The following RALYL variants were observed in gnomAD, a reference collection of about 807,000 sequenced individuals.
The protein encoded by RALYL is RNA-binding Raly-like protein.
RALYL carries 29 observed loss-of-function variants against 35.1 expected under a neutral mutation model. That is an observed-to-expected ratio of 0.83 (90% CI 0.61 to 1.13). The LOEUF is 1.13. RALYL is among the 50% of genes most tolerant of loss of function. The pLI, the probability that RALYL is intolerant of heterozygous loss-of-function variation, is 0.00. For synonymous variants in RALYL, 120 were observed against 127.6 expected, an observed-to-expected ratio of 0.94 and a Z score of 0.40; for missense variants, 359 against 360.4, an observed-to-expected ratio of 1.00 and a Z score of 0.03.
At chr8:84,564,264 C>T (rs1014391374) in intron 2 of RALYL, among the ~76,000 whole-genome samples, 7 of 151,572 alleles carry the variant, frequency 4.6e-5, no homozygotes, top group Non-Finnish European at 8.9e-5. Flanking sequence ...TCTTAGAAAG[C>T]AAAAAGTTAT....
At chr8:84,759,772 T>C (rs904920962) in intron 2 of RALYL, among the ~76,000 whole-genome samples, 1 of 152,228 alleles carries the variant, frequency 6.6e-6, no homozygotes, top group Non-Finnish European at 1.5e-5. Flanking sequence ...ATTGATTATT[T>C]CATCTTCTCT....
chr8:84,668,241 G>A (rs976910545), intron 2 of RALYL, among the ~76,000 whole-genome samples: 7 of 152,104 alleles, frequency 4.6e-5, no homozygotes, highest in African/African-American at 1.4e-4. Context: ...CTTATTTCAC[G>A]TTGTCCTTCA....
intron 6 of RALYL, among the ~76,000 whole-genome samples, chr8:84,864,017 GA>G (rs1159710844): frequency 6.6e-6 from 1 of 152,020 alleles, no homozygotes; most frequent in Admixed American, 6.6e-5. Flanking sequence ...TCTTACATTG[GA>G]AAAAATAAAC....
At chr8:84,556,218 A>G (rs891897720) in intron 2 of RALYL, among the ~76,000 whole-genome samples, 2 of 152,250 alleles carry the variant, frequency 1.3e-5, no homozygotes, top group Admixed American at 6.5e-5. Flanking sequence ...AAAGAGTGAT[A>G]TGATGTGTGG....
At chr8:84,559,979 T>G (rs1421373021) in intron 2 of RALYL, among the ~76,000 whole-genome samples, 1 of 151,804 alleles carries the variant, frequency 6.6e-6, no homozygotes. Flanking sequence ...TTAGGTTTTT[T>G]TTTTTTTTTA....
At chr8:84,250,679 A>T (rs1382058865) in intron 1 of RALYL, among the ~76,000 whole-genome samples, 2 of 152,220 alleles carry the variant, frequency 1.3e-5, no homozygotes, top group African/African-American at 4.8e-5. Context: ...TTGCTTCAAA[A>T]AATTATATGC....
At chr8:84,506,045 G>A (rs1168981710) in intron 1 of RALYL, among the ~76,000 whole-genome samples, 2 of 151,964 alleles carry the variant, frequency 1.3e-5, no homozygotes, top group South Asian at 2.1e-4. Flanking sequence ...ACCTAACACC[G>A]ATTAAATTGA....
chr8:84,715,367 A>G (rs548919554), intron 2 of RALYL, among the ~76,000 whole-genome samples: 4 of 151,974 alleles, frequency 2.6e-5, no homozygotes, highest in Non-Finnish European at 4.4e-5. Flanking sequence ...TTATGATTTT[A>G]TTTCTAATCT....
In RALYL at chr8:84,426,475, G is replaced by GT. The variant is rs1554662561; in HGVS notation, c.-23-102824_-23-102823insT. 1.1e-3 allele frequency among the ~76,000 whole-genome samples: 76 copies of GT among 70,704 alleles called. 1 individual carries two copies. The South Asian group carries it at 0.028, about 26-fold the overall frequency. 46.4% of individuals were successfully genotyped at this position (70,704 alleles called of 152,430 possible). ...GTGTGTGTGTGTGTGTGTGTGTGTG[G>GT]GTTTAGATTTCACATATAAGTGAGA... On this transcript the variant is annotated intron_variant, in intron 1 of 8. Transcript: ENST00000521268.
chr8:84,841,524 C>T (rs1271111102), intron 4 of RALYL, among the ~76,000 whole-genome samples: 2 of 152,168 alleles, frequency 1.3e-5, no homozygotes, highest in African/African-American at 4.8e-5. Context: ...TAATGGGAGA[C>T]TTTAACACAC....
At chr8:84,220,392 GTA>G (rs1821909808) in intron 1 of RALYL, among the ~76,000 whole-genome samples, 1 of 151,898 alleles carries the variant, frequency 6.6e-6, no homozygotes, top group African/African-American at 2.4e-5. Context: ...GTGAAATATG[GTA>G]TATTTTTGTC....
chr8:84,899,235 C>T (rs536122541), intron 8 of RALYL, among the ~76,000 whole-genome samples: 5 of 152,250 alleles, frequency 3.3e-5, no homozygotes, highest in Middle Eastern at 3.4e-3. Flanking sequence ...AAGGACACAT[C>T]CATTTGGATT....
chr8:84,468,283 C>G (rs938420616), intron 1 of RALYL, among the ~76,000 whole-genome samples: 4 of 151,970 alleles, frequency 2.6e-5, no homozygotes, highest in Non-Finnish European at 5.9e-5. Flanking sequence ...GGCTGGTACC[C>G]GTTGTTCCTT....
At position 84,371,323 on chromosome 8, in the gene RALYL, A is replaced by G. The variant is rs1855633595; in HGVS notation, c.-23-157976A>G. Reference sequence around the variant, plus strand: ...AGGAAGATTTTAAAAGATTTTTAGTATAACGTATTTCGTGATGCACGGTGA... The same window carrying G: ...AGGAAGATTTTAAAAGATTTTTAGTGTAACGTATTTCGTGATGCACGGTGA... On this transcript the variant is annotated intron_variant, in intron 1 of 8. Transcript: ENST00000521268. Among the ~76,000 whole-genome samples the G allele has an allele frequency of 3.3e-5, 5 of 152,154 alleles. No individual in the cohort carries two copies. The South Asian group carries it at 6.2e-4, about 19-fold the overall frequency.
intron 8 of RALYL, among the ~76,000 whole-genome samples, chr8:84,899,078 C>T (rs1348925908): frequency 6.6e-6 from 1 of 152,060 alleles, no homozygotes; most frequent in African/African-American, 2.4e-5. Context: ...TTTGACACAC[C>T]GTGTCATGAC....
chr8:84,672,119 C>T (rs1833383269), intron 2 of RALYL, among the ~76,000 whole-genome samples: 1 of 152,092 alleles, frequency 6.6e-6, no homozygotes, highest in South Asian at 2.1e-4. Flanking sequence ...CACCAAATAC[C>T]CTAAATCATC....
rs909642294 is a variant in RALYL at position 84,739,083 on chromosome 8, C to A, written c.257-35496C>A. ...GGAAATTCAAAATTAATTAATGTGTCCATGATTAAGATATAATTTTAACTC... is the reference window on the plus strand; with the variant it reads ...GGAAATTCAAAATTAATTAATGTGTACATGATTAAGATATAATTTTAACTC... On this transcript the variant is annotated intron_variant, in intron 2 of 8. Coordinates refer to ENST00000521268, the MANE Select transcript of RALYL (RefSeq NM_173848.7). Among the ~76,000 whole-genome samples the A allele has an allele frequency of 2.6e-4, 39 of 151,812 alleles. 2 individuals are homozygous for A. The highest frequency in any genetic ancestry group is 8.8e-5 in the Non-Finnish European group (6 of 67,886).
At chr8:84,574,983 A>G (rs1334520344) in intron 2 of RALYL, among the ~76,000 whole-genome samples, 3 of 152,166 alleles carry the variant, frequency 2.0e-5, no homozygotes, top group African/African-American at 7.2e-5. Context: ...GTTTTCACTC[A>G]GTGTCAGAAT....
chr8:84,688,587 A>C (rs1292174212), intron 2 of RALYL, among the ~76,000 whole-genome samples: 2 of 152,142 alleles, frequency 1.3e-5, no homozygotes, highest in African/African-American at 2.4e-5. Context: ...AAATTGATTA[A>C]AGATTTAAAC....
Sources: allele counts gnomAD v4.1 joint callset (sites outside exome capture counted in the v4.1 genomes callset), GRCh38; gene constraint gnomAD v4.1.1; transcripts MANE v1.5; gene names NCBI Gene and HGNC (gene_info 2026-07-23, HGNC 2026-07-21).